The following MYT1L variants were observed in gnomAD, a reference collection of about 807,000 sequenced individuals.
MYT1L encodes myelin transcription factor 1 like.
Under a neutral mutation model 126.7 loss-of-function variants are expected in MYT1L, and 12 were observed. The observed-to-expected ratio is 0.09, with a 90% CI of 0.06 to 0.15. The LOEUF (loss-of-function observed/expected upper bound fraction) is 0.15. MYT1L is among the 10% of genes least tolerant of loss of function. The pLI, the probability that MYT1L is intolerant of heterozygous loss-of-function variation, is 1.00. For missense variants in MYT1L, 979 were observed against 1,585.2 expected (o/e 0.62, Z 6.49); for synonymous variants, 541 against 604.2 (o/e 0.90, Z 1.53).
chr2:2,154,880 A>G (rs756664821), intron 3 of MYT1L, among the ~76,000 whole-genome samples: 5 of 152,294 alleles, frequency 3.3e-5, no homozygotes, highest in Admixed American at 2.0e-4. Context: ...TAATCCCAAC[A>G]CTTTGGGAGG....
intron 2 of MYT1L, among the ~76,000 whole-genome samples, chr2:2,175,541 C>T (rs1249806218): frequency 1.3e-5 from 2 of 152,016 alleles, no homozygotes; most frequent in Non-Finnish European, 2.9e-5. Context: ...TAACACTGAA[C>T]AGCAAGAACC....
At chr2:2,301,392 C>A (rs1013860752) in intron 1 of MYT1L, among the ~76,000 whole-genome samples, 24 of 152,300 alleles carry the variant, frequency 1.6e-4, no homozygotes, top group African/African-American at 4.8e-4. Flanking sequence ...ATTTTTTCAT[C>A]ACTTTATTAG....
At position 2,105,899 on chromosome 2, in the gene MYT1L, A is replaced by G. The variant is rs570932810; in HGVS notation, c.-303-51776T>C. On this transcript the variant is annotated intron_variant, in intron 3 of 24. Coordinates refer to ENST00000647738, the MANE Select transcript of MYT1L (RefSeq NM_001303052.2). ...GCAGGGGCTCAATGCATTTCAATAC[A>G]AATATCAGGCTAAATATGTGTGATG... is the stretch of plus-strand genomic sequence containing the variant. 1.1e-3 allele frequency among the ~76,000 whole-genome samples: 174 copies of G among 152,346 alleles called. 1 individual carries two copies. Among genetic ancestry groups the G allele is most frequent in the African/African-American group, 3.9e-3 (164 of 41,580 alleles).
At chr2:2,128,559 G>C (rs1038875264) in intron 3 of MYT1L, among the ~76,000 whole-genome samples, 8 of 152,304 alleles carry the variant, frequency 5.3e-5, no homozygotes, top group Non-Finnish European at 1.2e-4. Context: ...GTGAAAGGTA[G>C]AGTTGGTGGC....
chr2:1,845,003 GTC>G (rs2042310651), intron 19 of MYT1L, among the ~76,000 whole-genome samples: 2 of 146,502 alleles, frequency 1.4e-5, no homozygotes, highest in South Asian at 4.3e-4. Context: ...TTGAGACAGA[GTC>G]TCTCGCTCTG....
At chr2:2,295,434 G>T (rs2095656380) in intron 1 of MYT1L, among the ~76,000 whole-genome samples, 1 of 152,090 alleles carries the variant, frequency 6.6e-6, no homozygotes, top group African/African-American at 2.4e-5. Flanking sequence ...GTGGCAAGAG[G>T]TTCACCCTGA....
At chr2:2,289,681 G>C (rs1405876473) in intron 1 of MYT1L, among the ~76,000 whole-genome samples, 1 of 152,162 alleles carries the variant, frequency 6.6e-6, no homozygotes, top group Non-Finnish European at 1.5e-5. Flanking sequence ...ACCACCCATG[G>C]AATAAAAACA....
At chr2:2,220,037 A>G (rs944156899) in intron 2 of MYT1L, among the ~76,000 whole-genome samples, 20 of 152,326 alleles carry the variant, frequency 1.3e-4, no homozygotes, top group Admixed American at 5.2e-4. Flanking sequence ...GCGCATTTGC[A>G]CAGTGAGTGG....
intron 21 of MYT1L, among the ~76,000 whole-genome samples, chr2:1,831,236 T>TCCGAGGACCC (rs1293531382): frequency 1.2e-4 from 18 of 151,130 alleles, no homozygotes; most frequent in African/African-American, 9.7e-5. Flanking sequence ...GGAGCTCTGC[T>TCCGAGGACCC]CTGAGGACCC....
intron 8 of MYT1L, among the ~76,000 whole-genome samples, chr2:1,971,684 T>A (rs1394943840): frequency 6.6e-6 from 1 of 152,154 alleles, no homozygotes; most frequent in Non-Finnish European, 1.5e-5. Context: ...TGAGCTGAGA[T>A]CGTGCCACTG....
chr2:2,197,826 C>G (rs576452055), intron 2 of MYT1L, among the ~76,000 whole-genome samples: 24 of 150,298 alleles, frequency 1.6e-4, no homozygotes, highest in Non-Finnish European at 3.4e-4. Flanking sequence ...CACACACACA[C>G]GCACACAACG....
intron 20 of MYT1L, 104 bp from the exon 21 acceptor site, chr2:1,839,474 C>T: frequency 9.7e-7 from 1 of 1,029,656 alleles, no homozygotes; most frequent in Non-Finnish European, 1.4e-6. Flanking sequence ...AAAAAACAAC[C>T]ATGCCCTCCT....
chr2:2,261,139 G>C (rs1029999343), intron 2 of MYT1L, among the ~76,000 whole-genome samples: 1 of 119,652 alleles, frequency 8.4e-6, no homozygotes, highest in Non-Finnish European at 1.8e-5. Context: ...GTGTGTGTGA[G>C]TGCGTGTGTG....
rs2089463819 is a variant in MYT1L at position 2,168,126 on chromosome 2, T to C, written c.-304+4746A>G. 2.6e-5 allele frequency among the ~76,000 whole-genome samples: 4 copies of C among 152,250 alleles called. No homozygotes were observed. The South Asian group carries it at 6.2e-4, about 24-fold the overall frequency. ...TGACTTCACATCGGTGGGATCAGTGTGTGTAGACCTATGAGGCACATGTAG... is the reference window on the plus strand; with the variant it reads ...TGACTTCACATCGGTGGGATCAGTGCGTGTAGACCTATGAGGCACATGTAG... On this transcript the variant is annotated intron_variant, in intron 3 of 24. Coordinates refer to ENST00000647738, the MANE Select transcript of MYT1L (RefSeq NM_001303052.2).
At chr2:1,989,916 T>C (rs1260850602) in intron 5 of MYT1L, among the ~76,000 whole-genome samples, 1 of 152,132 alleles carries the variant, frequency 6.6e-6, no homozygotes, top group African/African-American at 2.4e-5. Flanking sequence ...GAGAATTGCT[T>C]AAACCTGGGA....
intron 3 of MYT1L, among the ~76,000 whole-genome samples, chr2:2,087,866 T>G (rs1481095552): frequency 6.6e-6 from 1 of 152,252 alleles, no homozygotes; most frequent in Non-Finnish European, 1.5e-5. Context: ...GACAGCTTGC[T>G]AACATGGGAA....
intron 2 of MYT1L, among the ~76,000 whole-genome samples, chr2:2,208,141 C>A (rs902795781): frequency 3.7e-4 from 56 of 152,246 alleles, no homozygotes; most frequent in African/African-American, 1.3e-3. Flanking sequence ...GTCTCTCCAG[C>A]CGTCTCAGGG....
intron 11 of MYT1L, among the ~76,000 whole-genome samples, chr2:1,914,610 A>G (rs1573528068): frequency 1.3e-5 from 2 of 151,946 alleles, no homozygotes; most frequent in Admixed American, 1.3e-4. Flanking sequence ...AGCTCCTCCA[A>G]CTCAAGTGGG....
At chr2:2,051,561 C>T (rs2068831293) in intron 4 of MYT1L, among the ~76,000 whole-genome samples, 1 of 152,154 alleles carries the variant, frequency 6.6e-6, no homozygotes, top group South Asian at 2.1e-4. Flanking sequence ...TGACTTTCTA[C>T]CTAAGAAATT....
Sources: allele counts gnomAD v4.1 joint callset (sites outside exome capture counted in the v4.1 genomes callset), GRCh38; gene constraint gnomAD v4.1.1; transcripts MANE v1.5; gene names NCBI Gene and HGNC (gene_info 2026-07-23, HGNC 2026-07-21).